The following KCND2 variants were observed in gnomAD, a reference collection of about 807,000 sequenced individuals.
KCND2 encodes A-type voltage-gated potassium channel KCND2.
KCND2 carries 16 observed loss-of-function variants against 54.4 expected under a neutral mutation model. The observed-to-expected ratio is 0.29, with a 90% CI of 0.20 to 0.45. KCND2 has a LOEUF of 0.45. Among genes scored for constraint, KCND2 ranks in the 20% least tolerant of loss-of-function variants. The pLI, the probability that KCND2 is intolerant of heterozygous loss-of-function variation, is 1.00. For missense variants in KCND2, 486 were observed against 824.2 expected (o/e 0.59, Z 5.02); for synonymous variants, 317 against 310.7 (o/e 1.02, Z -0.21).
At chr7:120,560,865 G>A (rs1210044274) in intron 1 of KCND2, among the ~76,000 whole-genome samples, 1 of 152,124 alleles carries the variant, frequency 6.6e-6, no homozygotes, top group Non-Finnish European at 1.5e-5. Context: ...GCTAATTTTA[G>A]AGAAGAAAAT....
At chr7:120,698,143 T>C (rs1023131682) in intron 1 of KCND2, among the ~76,000 whole-genome samples, 23 of 149,750 alleles carry the variant, frequency 1.5e-4, no homozygotes, top group Admixed American at 1.4e-4. Context: ...GCCTTCTGGG[T>C]AGCTAGGATT....
In KCND2 at chr7:120,364,130, A is replaced by G. The variant is rs887684505; in HGVS notation, c.1115+88383A>G. Among the ~76,000 whole-genome samples, 80 of 152,260 alleles carry G rather than the reference A, an allele frequency of 5.3e-4. 2 individuals are homozygous for G. Among genetic ancestry groups the G allele is most frequent in the Admixed American group, 5.0e-3 (77 of 15,270 alleles). ...GTTGAATGTATTGTTCTTAGATTTT[A>G]TATTTCTACCACTTTGAGTTGACTT... On this transcript the variant is annotated intron_variant, in intron 1 of 5. Transcript: ENST00000331113.
At chr7:120,474,983 G>A (rs751983477) in intron 1 of KCND2, among the ~76,000 whole-genome samples, 2 of 152,038 alleles carry the variant, frequency 1.3e-5, no homozygotes, top group Non-Finnish European at 2.9e-5. Flanking sequence ...TAGAACTATA[G>A]GTGCACAGCA....
chr7:120,540,847 G>A (rs1386874236), intron 1 of KCND2, among the ~76,000 whole-genome samples: 3 of 152,098 alleles, frequency 2.0e-5, no homozygotes, highest in Non-Finnish European at 4.4e-5. Context: ...TACTTTCAAT[G>A]TCCAAATTTG....
chr7:120,366,031 T>C (rs1800673199), intron 1 of KCND2, among the ~76,000 whole-genome samples: 1 of 152,084 alleles, frequency 6.6e-6, no homozygotes, highest in African/African-American at 2.4e-5. Context: ...TTTTAGACAA[T>C]TGTTAATTAT....
chr7:120,286,876 G>A (rs1010592806), intron 1 of KCND2, among the ~76,000 whole-genome samples: 7 of 151,992 alleles, frequency 4.6e-5, no homozygotes, highest in Middle Eastern at 6.8e-3. Flanking sequence ...GAAATGATTA[G>A]GCAAGCATCA....
At chr7:120,302,264 TTTG>T (rs1799594544) in intron 1 of KCND2, among the ~76,000 whole-genome samples, 2 of 152,212 alleles carry the variant, frequency 1.3e-5, no homozygotes, top group African/African-American at 4.8e-5. Context: ...TTTTTGTTTG[TTTG>T]TTGTTGTTGT....
intron 1 of KCND2, among the ~76,000 whole-genome samples, chr7:120,665,886 C>G (rs1791920374): frequency 6.6e-6 from 1 of 151,870 alleles, no homozygotes; most frequent in Non-Finnish European, 1.5e-5. Context: ...TGCAGATGCT[C>G]CATTAGTAAT....
chr7:120,542,531 G>T (rs182842878), intron 1 of KCND2, among the ~76,000 whole-genome samples: 3 of 152,236 alleles, frequency 2.0e-5, no homozygotes, highest in Admixed American at 2.0e-4. Context: ...AGCATAAGGA[G>T]TGTGACCTAA....
At position 120,335,944 on chromosome 7, in the gene KCND2, T is replaced by G. The variant is rs371494210; in HGVS notation, c.1115+60197T>G. 4.2e-4 allele frequency among the ~76,000 whole-genome samples: 64 copies of G among 152,310 alleles called. No individual in the cohort carries two copies. The East Asian group carries it at 0.012, about 28-fold the overall frequency. ...TTTTTTTTCTAGTATGCTCAAATAC[T>G]TAATCAAACTTAGGAAAGAACAAAT... On this transcript the variant is annotated intron_variant, in intron 1 of 5. Coordinates refer to ENST00000331113, the MANE Select transcript of KCND2 (RefSeq NM_012281.3).
At position 120,716,937 on chromosome 7, in the gene KCND2, C is replaced by T. The variant is rs564078901; in HGVS notation, c.1116-15966C>T. Among the ~76,000 whole-genome samples, 361 of 151,980 alleles carry T rather than the reference C, an allele frequency of 2.4e-3. 3 individuals carry two copies. Among genetic ancestry groups the T allele is most frequent in the African/African-American group, 7.6e-3 (317 of 41,462 alleles). Reference sequence around the variant, plus strand: ...CTGAACTCAATATTTTTTTTCTATACATATATATCTATGATAAAGTTTAAT... The same window carrying T: ...CTGAACTCAATATTTTTTTTCTATATATATATATCTATGATAAAGTTTAAT... On this transcript the variant is annotated intron_variant, in intron 1 of 5. Coordinates refer to ENST00000331113, the MANE Select transcript of KCND2 (RefSeq NM_012281.3).
At chr7:120,690,009 C>A (rs975199928) in intron 1 of KCND2, among the ~76,000 whole-genome samples, 1 of 152,180 alleles carries the variant, frequency 6.6e-6, no homozygotes, top group African/African-American at 2.4e-5. Flanking sequence ...CAGCAATTCT[C>A]CTGGACCCTT....
At chr7:120,295,552 A>G (rs1799500616) in intron 1 of KCND2, among the ~76,000 whole-genome samples, 1 of 152,126 alleles carries the variant, frequency 6.6e-6, no homozygotes, top group African/African-American at 2.4e-5. Flanking sequence ...TTCTGAATGA[A>G]GCATTTGAGG....
intron 1 of KCND2, among the ~76,000 whole-genome samples, chr7:120,365,837 G>A (rs933376932): frequency 6.6e-6 from 1 of 152,086 alleles, no homozygotes; most frequent in African/African-American, 2.4e-5. Flanking sequence ...AAGTGAAATG[G>A]ATGTTCAGGT....
intron 1 of KCND2, among the ~76,000 whole-genome samples, chr7:120,402,767 G>T (rs2116084805): frequency 6.6e-6 from 1 of 152,192 alleles, no homozygotes; most frequent in South Asian, 2.1e-4. Flanking sequence ...TTATCTTTTT[G>T]ACATAGTTTG....
chr7:120,294,118 G>T lies in KCND2; in HGVS notation c.1115+18371G>T, dbSNP rs568070857. Among the ~76,000 whole-genome samples the T allele has an allele frequency of 2.3e-3, 343 of 152,078 alleles. 1 individual carries two copies. Among genetic ancestry groups the T allele is most frequent in the African/African-American group, 7.8e-3 (323 of 41,550 alleles). On this transcript the variant is annotated intron_variant, in intron 1 of 5. Coordinates refer to ENST00000331113, the MANE Select transcript of KCND2 (RefSeq NM_012281.3). ...TACAACCATTCTAAAATAATTTAGT[G>T]AAAAGGTGGGTAGATCATGGAGGCT...
chr7:120,640,232 A>C (rs1034474511), intron 1 of KCND2, among the ~76,000 whole-genome samples: 1 of 152,164 alleles, frequency 6.6e-6, no homozygotes, highest in African/African-American at 2.4e-5. Flanking sequence ...TGGCACCACC[A>C]CCAAAGTACT....
At chr7:120,500,773 T>G (rs1255857166) in intron 1 of KCND2, among the ~76,000 whole-genome samples, 1 of 151,214 alleles carries the variant, frequency 6.6e-6, no homozygotes, top group African/African-American at 2.4e-5. Flanking sequence ...TAAATATGTG[T>G]CTGGGAGTTA....
intron 1 of KCND2, among the ~76,000 whole-genome samples, chr7:120,631,675 G>A (rs765874546): frequency 4.6e-5 from 7 of 152,032 alleles, no homozygotes; most frequent in African/African-American, 9.7e-5. Context: ...ATATTTCATC[G>A]CATAGATTGG....
Sources: allele counts gnomAD v4.1 joint callset (sites outside exome capture counted in the v4.1 genomes callset), GRCh38; gene constraint gnomAD v4.1.1; transcripts MANE v1.5; gene names NCBI Gene and HGNC (gene_info 2026-07-23, HGNC 2026-07-21).